The following PTER variants were observed in gnomAD, a reference collection of about 807,000 sequenced individuals.
The protein encoded by PTER is N-acetyltaurine hydrolase.
A neutral mutation model predicts 29.6 loss-of-function variants in PTER; 38 were observed. The observed-to-expected ratio is 1.28, with a 90% CI of 0.99 to 1.68. The LOEUF is 1.68. Ranked by LOEUF, PTER falls within the 40% of genes most tolerant of loss-of-function variation. The pLI, the probability that PTER is intolerant of heterozygous loss-of-function variation, is 0.00. For synonymous variants in PTER, 172 were observed against 154.5 expected, an observed-to-expected ratio of 1.11 and a Z score of -0.84; for missense variants, 482 against 427.8, an observed-to-expected ratio of 1.13 and a Z score of -1.12.
intron 1 of PTER, among the ~76,000 whole-genome samples, chr10:16,481,090 C>T (rs369166170): frequency 1.3e-5 from 2 of 152,272 alleles, no homozygotes; most frequent in East Asian, 3.9e-4. Context: ...ATAGTAATTG[C>T]AGTCTATCCT....
intron 1 of PTER, among the ~76,000 whole-genome samples, chr10:16,464,502 T>C (rs7097885): frequency 0.36 from 54,327 of 152,104 alleles, 10,354 homozygotes; most frequent in East Asian, 0.54. Context: ...TCCTGGTCTC[T>C]GGTTTCTCCA....
intron 3 of PTER, among the ~76,000 whole-genome samples, chr10:16,494,459 T>C (rs1836017415): frequency 6.6e-6 from 1 of 152,176 alleles, no homozygotes; most frequent in African/African-American, 2.4e-5. Context: ...CTTGTTAAAA[T>C]ATGGATAATA....
At chr10:16,477,209 T>A (rs1190905431) in intron 1 of PTER, among the ~76,000 whole-genome samples, 1 of 151,796 alleles carries the variant, frequency 6.6e-6, no homozygotes, top group Non-Finnish European at 1.5e-5. Context: ...GGGCCTAGAG[T>A]TTTCTTTTAA....
At chr10:16,505,270 C>T in intron 4 of PTER, 110 bp downstream of exon 4, 6 of 1,323,244 alleles carry the variant, frequency 4.5e-6, no homozygotes, top group Non-Finnish European at 6.2e-6. Flanking sequence ...GGCCGAACCA[C>T]AGACTTGCAG....
At chr10:16,500,204 G>A (rs553151337) in intron 3 of PTER, among the ~76,000 whole-genome samples, 298 of 151,002 alleles carry the variant, frequency 2.0e-3, no homozygotes, top group Non-Finnish European at 3.5e-3. Flanking sequence ...AAGTTTTTGA[G>A]CGGATAAGAA....
At chr10:16,504,298 C>T (rs1836476224) in intron 3 of PTER, among the ~76,000 whole-genome samples, 1 of 152,124 alleles carries the variant, frequency 6.6e-6, no homozygotes, top group South Asian at 2.1e-4. Context: ...ACATTTCTCT[C>T]CTTTCCCTTT....
Position 16,455,951 on chromosome 10 carries a change from T to C in PTER, c.-49+18904T>C, listed in dbSNP as rs565655323. Among the ~76,000 whole-genome samples the C allele has an allele frequency of 3.3e-5, 5 of 152,342 alleles. No homozygotes were observed. In the East Asian group the frequency reaches 9.6e-4, roughly 29 times the overall value. Reference sequence around the variant, plus strand: ...CAATTTAAAAAGTGTTATTACTTTTTTTTTGGAAACCGAGCATCTAAGTAA... The same window carrying C: ...CAATTTAAAAAGTGTTATTACTTTTCTTTTGGAAACCGAGCATCTAAGTAA... On this transcript the variant is annotated intron_variant, in intron 1 of 4. Coordinates refer to ENST00000535784, the MANE Select transcript of PTER (RefSeq NM_001261836.2).
At chr10:16,451,387 A>G (rs1447520803) in intron 1 of PTER, among the ~76,000 whole-genome samples, 1 of 152,204 alleles carries the variant, frequency 6.6e-6, no homozygotes, top group Non-Finnish European at 1.5e-5. Context: ...GACACTCAAT[A>G]TTAACCATCA....
intron 1 of PTER, among the ~76,000 whole-genome samples, chr10:16,469,240 C>T (rs780002546): frequency 1.3e-5 from 2 of 151,982 alleles, no homozygotes; most frequent in East Asian, 1.9e-4. Context: ...AGAGACCTTG[C>T]GACAGGGGAG....
chr10:16,503,791 C>T (rs1836455825), intron 3 of PTER, among the ~76,000 whole-genome samples: 2 of 152,180 alleles, frequency 1.3e-5, no homozygotes, highest in Admixed American at 6.5e-5. Context: ...TCACCCACCT[C>T]GGCCTCACAA....
chr10:16,485,611 C>G (rs1043038931), intron 2 of PTER, among the ~76,000 whole-genome samples: 7 of 152,024 alleles, frequency 4.6e-5, no homozygotes, highest in African/African-American at 1.7e-4. Flanking sequence ...TATTTTCCAA[C>G]CAGGACTTTA....
At position 16,482,985 on chromosome 10, in the gene PTER, T is replaced by A. The variant is rs141923466; in HGVS notation, c.-48-1352T>A. Among the ~76,000 whole-genome samples the A allele has an allele frequency of 4.2e-4, 64 of 152,304 alleles. 1 individual carries two copies. In the East Asian group the frequency reaches 0.012, roughly 28 times the overall value. ...TTAGTAGAGACGGGTTTTCACCATG[T>A]TGGCCAGGCTGGTCTCAAACTCCTG... On this transcript the variant is annotated intron_variant, in intron 1 of 4. Coordinates refer to ENST00000535784, the MANE Select transcript of PTER (RefSeq NM_001261836.2).
intron 1 of PTER, among the ~76,000 whole-genome samples, chr10:16,471,188 C>T (rs915928986): frequency 3.9e-5 from 6 of 152,108 alleles, no homozygotes; most frequent in Admixed American, 6.5e-5. Flanking sequence ...TGAAATATTG[C>T]GCAGGAACAA....
chr10:16,514,154 C>T, downstream of PTER: 1 of 398,918 alleles, frequency 2.5e-6, no homozygotes. Context: ...CTCACAAGAA[C>T]CAAAGCTGAC....
At position 16,484,494 on chromosome 10, in the gene PTER, A is replaced by G; in HGVS notation, c.110A>G (p.Tyr37Cys). Reference protein sequence around the residue: ...EHLAMTFDCCYCPPPPCQEAI... With the variant: ...EHLAMTFDCCCCPPPPCQEAI... The stretch of plus-strand genomic sequence containing the variant: ...CTGGCCATGACCTTTGACTGCTGTT[A>G]CTGTCCACCTCCCCCGTGCCAGGAA... The change falls in exon 2 of 5, where the codon TAC becomes TGC. Residue 37 changes from tyrosine (Y) to cysteine (C), a missense_variant. Transcript: ENST00000535784. 6.2e-7 allele frequency: 1 copy of G among 1,614,078 alleles called. No homozygotes were observed. The highest frequency in any genetic ancestry group is 8.5e-7 in the Non-Finnish European group (1 of 1,180,000).
intron 3 of PTER, among the ~76,000 whole-genome samples, chr10:16,488,952 G>C (rs1835800262): frequency 6.6e-6 from 1 of 152,072 alleles, no homozygotes; most frequent in Non-Finnish European, 1.5e-5. Context: ...ATTCCTGAAT[G>C]TAAGGATGTA....
chr10:16,489,614 C>A (rs1289830913), intron 3 of PTER, among the ~76,000 whole-genome samples: 1 of 151,658 alleles, frequency 6.6e-6, no homozygotes, highest in African/African-American at 2.4e-5. Flanking sequence ...TTACGTGGGA[C>A]ACTTTATACT....
chr10:16,472,457 G>T (rs1219393516), intron 1 of PTER, among the ~76,000 whole-genome samples: 1 of 152,052 alleles, frequency 6.6e-6, no homozygotes, highest in African/African-American at 2.4e-5. Flanking sequence ...CATGAGATCC[G>T]CTGGTTTTAT....
chr10:16,437,173 G>A (rs1265277041), intron 1 of PTER, 126 bp downstream of exon 1: 2 of 152,240 alleles, frequency 1.3e-5, no homozygotes, highest in Non-Finnish European at 2.9e-5. Flanking sequence ...CTGCCGGAAG[G>A]AAGGATTTTC....
Sources: allele counts gnomAD v4.1 joint callset (sites outside exome capture counted in the v4.1 genomes callset), GRCh38; gene constraint gnomAD v4.1.1; transcripts MANE v1.5; gene names NCBI Gene and HGNC (gene_info 2026-07-23, HGNC 2026-07-21).